The following BCL11A variants were observed in gnomAD, a reference collection of about 807,000 sequenced individuals.
The protein encoded by BCL11A is BCL11 transcription factor A.
In BCL11A, 2 loss-of-function variants were observed where a neutral mutation model predicts 55.9. The ratio of observed to expected loss-of-function variants is 0.04; its 90% CI spans 0.01 to 0.11. The LOEUF is 0.11. Ranked by LOEUF, BCL11A falls within the 10% of genes least tolerant of loss-of-function variation. The pLI, the probability that BCL11A is intolerant of heterozygous loss-of-function variation, is 1.00. For missense variants in BCL11A, 817 were observed against 1,137.1 expected (o/e 0.72, Z 4.05); for synonymous variants, 465 against 473.4 (o/e 0.98, Z 0.23).
intron 2 of BCL11A, among the ~76,000 whole-genome samples, chr2:60,519,311 C>G (rs1166752070): frequency 1.3e-5 from 2 of 152,204 alleles, no homozygotes; most frequent in African/African-American, 4.8e-5. Flanking sequence ...ACATAAAACA[C>G]AGAACATTAC....
intron 2 of BCL11A, among the ~76,000 whole-genome samples, chr2:60,502,267 G>A (rs1486043760): frequency 6.6e-6 from 1 of 152,226 alleles, no homozygotes; most frequent in Non-Finnish European, 1.5e-5. Flanking sequence ...CAAAATGATG[G>A]ATAGCAGATT....
intron 3 of BCL11A, among the ~76,000 whole-genome samples, chr2:60,465,448 C>T (rs550579655): frequency 2.6e-5 from 4 of 152,196 alleles, no homozygotes; most frequent in Non-Finnish European, 5.9e-5. Flanking sequence ...AGCATAGGAA[C>T]TTGAGACATC....
At chr2:60,471,721 G>A (rs1241923557) in intron 2 of BCL11A, among the ~76,000 whole-genome samples, 3 of 152,184 alleles carry the variant, frequency 2.0e-5, no homozygotes, top group Non-Finnish European at 2.9e-5. Flanking sequence ...TAGGAAGTGG[G>A]TGATCTAGTT....
rs1238610228 is a variant in BCL11A, at chr2:60,545,666, A to G, written c.385+305T>C. 8 of 351,792 alleles carry G rather than the reference A, an allele frequency of 2.3e-5. No individual in the cohort carries two copies. In the East Asian group the frequency reaches 5.2e-4, roughly 23 times the overall value. 21.8% of individuals were successfully genotyped at this position (351,792 alleles called of 1,614,324 possible). A position where few individuals can be genotyped will look rare whatever the true frequency, so the allele number is the denominator to read the frequency against. ...GCTGGACTAGGTGTAGTAAAGCTCA[A>G]TACTTCAAAATGAGAAGGTGGGGAT... On this transcript the variant is annotated intron_variant, in intron 2 of 3. Coordinates refer to ENST00000642384, the MANE Select transcript of BCL11A (RefSeq NM_022893.4).
At chr2:60,536,041 C>G (rs1669655327) in intron 2 of BCL11A, 1 of 152,204 alleles carries the variant, frequency 6.6e-6, no homozygotes, top group Non-Finnish European at 1.5e-5. Flanking sequence ...CTCTCCAACC[C>G]AGGTGAAAGC....
chr2:60,455,696 C>T (rs1299625384), downstream of BCL11A, among the ~76,000 whole-genome samples: 1 of 152,192 alleles, frequency 6.6e-6, no homozygotes, highest in East Asian at 1.9e-4. Context: ...GCAGCATATA[C>T]TGAGAAATTA....
At chr2:60,486,494 C>T (rs1035565261) in intron 2 of BCL11A, among the ~76,000 whole-genome samples, 4 of 152,100 alleles carry the variant, frequency 2.6e-5, no homozygotes, top group African/African-American at 9.7e-5. Flanking sequence ...AAAGACCTAC[C>T]AATCTAAGAT....
chr2:60,459,153 C>T lies in BCL11A; in HGVS notation c.*1251G>A, dbSNP rs1052520. Reference sequence around the variant, plus strand: ...AATCATATTATTTTCTTCTGTTCCCCTCTGTCAAACCTTATTGTCAGCCTC... The same window carrying T: ...AATCATATTATTTTCTTCTGTTCCCTTCTGTCAAACCTTATTGTCAGCCTC... On this transcript the variant is annotated 3_prime_UTR_variant, in exon 4 of 4. Coordinates refer to ENST00000642384, the MANE Select transcript of BCL11A (RefSeq NM_022893.4). 9.8e-7 allele frequency: 1 copy of T among 1,024,012 alleles called. No homozygotes were observed. The highest frequency in any genetic ancestry group is 1.2e-6 in the Non-Finnish European group (1 of 852,834). The allele number at this position is 1,024,012 out of a possible 1,614,324, so 63.4% of individuals were successfully genotyped here. A position where few individuals can be genotyped will look rare whatever the true frequency, so the allele number is the denominator to read the frequency against.
chr2:60,551,920 C>T (rs1486296333), intron 1 of BCL11A, among the ~76,000 whole-genome samples: 3 of 152,024 alleles, frequency 2.0e-5, no homozygotes, highest in African/African-American at 7.2e-5. Context: ...TGGCAGGAGG[C>T]TCCCGCACAC....
chr2:60,528,640 T>C (rs1337381162), intron 2 of BCL11A: 3 of 152,270 alleles, frequency 2.0e-5, no homozygotes, highest in African/African-American at 7.2e-5. Context: ...ACTGAAGAGG[T>C]AGCAGAGGGT....
rs115548704 is a variant in BCL11A at position 60,532,742 on chromosome 2, A to G, written c.385+13229T>C. ...CCCTCCACTCCCTTTAAGTACTTCG[A>G]AAAACAGTACAATTTTTTTAAAGGT... is the stretch of plus-strand genomic sequence containing the variant. On this transcript the variant is annotated intron_variant, in intron 2 of 3. Transcript: ENST00000642384. 817 of 152,348 alleles carry G rather than the reference A, an allele frequency of 5.4e-3. 6 individuals carry two copies. Among genetic ancestry groups the G allele is most frequent in the African/African-American group, 0.018 (739 of 41,586 alleles). The allele number at this position is 152,348 out of a possible 1,614,324, so 9.4% of individuals were successfully genotyped here. A position where few individuals can be genotyped will look rare whatever the true frequency, so the allele number is the denominator to read the frequency against.
chr2:60,460,321 A>G lies in BCL11A; in HGVS notation c.*83T>C, dbSNP rs913341742. On this transcript the variant is annotated 3_prime_UTR_variant, in exon 4 of 4. Transcript: ENST00000642384. ...GGGACTAGAAAAAAATCCTACAGGG[A>G]GTGGGGCTGGAGGGCGATGGGGAAG... 2.6e-6 allele frequency: 4 copies of G among 1,512,118 alleles called. No homozygotes were observed. The highest frequency in any genetic ancestry group is 2.7e-6 in the Non-Finnish European group (3 of 1,130,054). 93.7% of individuals were successfully genotyped at this position (1,512,118 alleles called of 1,614,324 possible).
chr2:60,460,854 G>A lies in BCL11A; in HGVS notation c.2058C>T (p.Ser686=), dbSNP rs116013710. The A allele has an allele frequency of 6.8e-6, 11 of 1,613,094 alleles. No individual in the cohort carries two copies. Among genetic ancestry groups the A allele is most frequent in the Middle Eastern group, 1.6e-4 (1 of 6,062 alleles). Reference sequence around the variant, plus strand: ...CGTTCTCCGAGGAGTGCTCCGACGAGGAGGCAAAAGGCGATTGTCTGGAGT... The same window carrying A: ...CGTTCTCCGAGGAGTGCTCCGACGAAGAGGCAAAAGGCGATTGTCTGGAGT... The part of the protein sequence containing the change: ...FGDSRQSPFA[S]SSEHSSENGS... The change falls in exon 4 of 4, where the codon TCC becomes TCT. Residue 686 remains serine, a synonymous_variant. Coordinates refer to ENST00000642384, the MANE Select transcript of BCL11A (RefSeq NM_022893.4).
intron 2 of BCL11A, among the ~76,000 whole-genome samples, chr2:60,540,946 TTGTGTGTGTGTGTGTG>T (rs368895286): frequency 3.9e-4 from 55 of 140,316 alleles, no homozygotes; most frequent in South Asian, 7.4e-4. Flanking sequence ...AGCACTGGTT[TTGTGTGTGTGTGTGTG>T]TGTGTGTGTG....
At chr2:60,493,929 A>ACCCT (rs770056696) in intron 2 of BCL11A, among the ~76,000 whole-genome samples, 25 of 152,170 alleles carry the variant, frequency 1.6e-4, no homozygotes, top group Non-Finnish European at 3.1e-4. Context: ...CCTGGGGGAG[A>ACCCT]CAGGGCCTCC....
intron 2 of BCL11A, chr2:60,525,205 A>G (rs955877281): frequency 3.0e-4 from 46 of 152,372 alleles, no homozygotes; most frequent in African/African-American, 1.1e-3. Flanking sequence ...GTTTGAATTC[A>G]ACTATTTCTT....
In BCL11A at chr2:60,531,532, A is replaced by AT. The variant is rs1291727764; in HGVS notation, c.385+14438dup. On this transcript the variant is annotated intron_variant, in intron 2 of 3. Transcript: ENST00000642384. ...ATAAAATACATAATAAATAATATTAATGAAACAAAAATAGATTCATAAGCC... is the reference window on the plus strand; with the variant it reads ...ATAAAATACATAATAAATAATATTAATTGAAACAAAAATAGATTCATAAGCC... Among the ~76,000 whole-genome samples the AT allele has an allele frequency of 3.9e-5, 6 of 152,364 alleles. No homozygotes were observed. The East Asian group carries it at 1.2e-3, about 29-fold the overall frequency.
At chr2:60,501,463 T>G (rs944782328) in intron 2 of BCL11A, among the ~76,000 whole-genome samples, 8 of 151,572 alleles carry the variant, frequency 5.3e-5, no homozygotes, top group African/African-American at 1.9e-4. Context: ...CTTCCCTGAG[T>G]GGCAAGAGGG....
At chr2:60,480,122 C>A (rs1375124906) in intron 2 of BCL11A, among the ~76,000 whole-genome samples, 1 of 152,128 alleles carries the variant, frequency 6.6e-6, no homozygotes, top group Non-Finnish European at 1.5e-5. Flanking sequence ...CACTCTGCAC[C>A]AAGGACAGCG....
Sources: allele counts gnomAD v4.1 joint callset (sites outside exome capture counted in the v4.1 genomes callset), GRCh38; gene constraint gnomAD v4.1.1; transcripts MANE v1.5; gene names NCBI Gene and HGNC (gene_info 2026-07-23, HGNC 2026-07-21).